Variants in RIPK1 observed in about 807,000 individuals in gnomAD.
The protein encoded by RIPK1 is receptor-interacting serine/threonine-protein kinase 1.
RIPK1 carries 27 observed loss-of-function variants against 62.4 expected under a neutral mutation model. The ratio of observed to expected loss-of-function variants is 0.43; its 90% confidence interval spans 0.32 to 0.60. The LOEUF (loss-of-function observed/expected upper bound fraction) is 0.60, where lower values mean the gene tolerates loss of function less well. Ranked by LOEUF, RIPK1 falls within the 20% of genes least tolerant of loss-of-function variation. The probability of loss-of-function intolerance (pLI) is 0.07; values close to 1 mark genes in which losing one functional copy is unlikely to be tolerated. For synonymous variants in RIPK1, 287 were observed against 303.2 expected (o/e 0.95, Z 0.55); for missense variants, 735 against 831.0 (o/e 0.88, Z 1.42).
rs150430824 is a variant in RIPK1, at chr6:3,108,566, G to A, written c.1577-2237G>A. ...AGTGTAAGCTGGAGGTGGTGGGCCA[G>A]GAGGATTAAACAGGGTAAGGCAGCT... On this transcript the variant is annotated intron_variant, in intron 9 of 10. Coordinates refer to ENST00000259808, the MANE Select transcript of RIPK1 (RefSeq NM_001354930.2). Among the ~76,000 whole-genome samples the A allele has an allele frequency of 3.6e-3, 550 of 152,314 alleles. 2 individuals carry two copies. Among genetic ancestry groups the A allele is most frequent in the Non-Finnish European group, 5.6e-3 (384 of 68,026 alleles).
rs1473081715 is a variant in RIPK1 at position 3,083,219 on chromosome 6, G to T, written c.594G>T (p.Leu198=). 6.2e-7 allele frequency: 1 copy of T among 1,613,922 alleles called. No individual in the cohort carries two copies. Among genetic ancestry groups the T allele is most frequent in the African/African-American group, 1.3e-5 (1 of 74,894 alleles). Residue 198 remains leucine, a synonymous_variant, in exon 5 of 11, where the codon CTG becomes CTT. Transcript: ENST00000259808. The part of the protein sequence containing the change: ...GTLYYMAPEH[L]NDVNAKPTEK... ...TCTACTACATGGCGCCCGAGCACCT[G>T]AATGACGTCAACGCAAAGCCCACAG...
intron 7 of RIPK1, among the ~76,000 whole-genome samples, chr6:3,096,001 G>A (rs999819411): frequency 6.6e-5 from 10 of 152,050 alleles, no homozygotes; most frequent in Non-Finnish European, 1.0e-4. Context: ...ACCATGCCTG[G>A]CTAATTTGTA....
intron 5 of RIPK1, among the ~76,000 whole-genome samples, chr6:3,083,983 T>TA (rs1759558407): frequency 6.6e-6 from 1 of 152,092 alleles, no homozygotes; most frequent in African/African-American, 2.4e-5. Flanking sequence ...TCGCCATCCT[T>TA]TTACCAAGTT....
rs1760816360 is a variant in RIPK1, at chr6:3,105,749, C to T, written c.1274C>T (p.Pro425Leu). 1 of 1,614,196 alleles carries T rather than the reference C, an allele frequency of 6.2e-7. No individual in the cohort carries two copies. The highest frequency in any genetic ancestry group is 8.5e-7 in the Non-Finnish European group (1 of 1,180,042). Residue 425 changes from proline (P) to leucine (L), a missense_variant, in exon 9 of 11, where the codon CCT becomes CTT. Pro to Leu is a moderately conservative substitution (Grantham distance 98). Coordinates refer to ENST00000259808, the MANE Select transcript of RIPK1 (RefSeq NM_001354930.2). The surrounding 1 kb of genome is among the most constrained non-coding windows in gnomAD (Gnocchi z 4.5). ...VSHDPFAQQR[P>L]YENFQNTEGK... is the part of the protein sequence containing the mutation. Reference sequence around the variant, plus strand: ...CATGACCCTTTTGCACAGCAAAGACCTTACGAGAATTTTCAGAATACAGAG... The same window carrying T: ...CATGACCCTTTTGCACAGCAAAGACTTTACGAGAATTTTCAGAATACAGAG...
chr6:3,067,740 CTTT>C (rs149016655), upstream of RIPK1, among the ~76,000 whole-genome samples: 96 of 147,286 alleles, frequency 6.5e-4, no homozygotes, highest in African/African-American at 1.3e-3. Context: ...TCCTGTTGTG[CTTT>C]TTTTTTTTTT....
chr6:3,083,172 G>T lies in RIPK1; in HGVS notation c.547G>T (p.Ala183Ser), dbSNP rs780223601. The T allele has an allele frequency of 6.2e-7, 1 of 1,614,046 alleles. No homozygotes were observed. The highest frequency in any genetic ancestry group is 8.5e-7 in the Non-Finnish European group (1 of 1,179,990). Residue 183 changes from alanine (A) to serine (S), a missense_variant, in exon 5 of 11, where the codon GCT (alanine) becomes TCT (serine). Ala to Ser is a moderately conservative substitution (Grantham distance 99). This residue lies in a region of RIPK1 where 671 missense variants were observed against 726.2 expected (regional missense o/e 0.92). Coordinates refer to ENST00000259808, the MANE Select transcript of RIPK1 (RefSeq NM_001354930.2). ...HNELREVDGTAKKNGGTLYYM... is the reference protein window; with the variant it reads ...HNELREVDGTSKKNGGTLYYM... ...TGAGCTGAGGGAAGTGGACGGCACC[G>T]CTAAGAAGAATGGCGGCACCCTCTA... is the stretch of plus-strand genomic sequence containing the variant.
intron 6 of RIPK1, among the ~76,000 whole-genome samples, chr6:3,087,627 C>T (rs1759778373): frequency 6.6e-6 from 1 of 151,668 alleles, no homozygotes; most frequent in Non-Finnish European, 1.5e-5. Context: ...GCAAGCTCTG[C>T]CTCCTGGGTT....
At chr6:3,095,045 G>A (rs1006524929) in intron 7 of RIPK1, among the ~76,000 whole-genome samples, 20 of 151,946 alleles carry the variant, frequency 1.3e-4, no homozygotes, top group African/African-American at 4.8e-4. Context: ...GCAACAGAGT[G>A]AGACCCTACT....
chr6:3,113,264 G>A lies in RIPK1; in HGVS notation c.1941G>A (p.Gly647=), dbSNP rs1453920391. The A allele has an allele frequency of 6.2e-7, 1 of 1,614,170 alleles. No individual in the cohort carries two copies. Among genetic ancestry groups the A allele is most frequent in the African/African-American group, 1.3e-5 (1 of 75,046 alleles). The stretch of plus-strand genomic sequence containing the variant: ...AAGGCATAAAGGGAGCCACGGTGGG[G>A]AAGCTGGCCCAGGCGCTCCACCAGT... ...MREGIKGATV[G]KLAQALHQCS... The change falls in exon 11 of 11, where the codon GGG becomes GGA. Residue 647 remains glycine, a synonymous_variant. Coordinates refer to ENST00000259808, the MANE Select transcript of RIPK1 (RefSeq NM_001354930.2). The surrounding 1 kb of genome is among the most constrained non-coding windows in gnomAD (Gnocchi z 5.0).
chr6:3,077,206 G>C (rs1759114575), intron 2 of RIPK1, among the ~76,000 whole-genome samples: 1 of 152,148 alleles, frequency 6.6e-6, no homozygotes, highest in South Asian at 2.1e-4. Context: ...TAACAGAAGA[G>C]ACATGAACAA....
chr6:3,068,723 C>G, intron 1 of RIPK1, 62 bp downstream of exon 1: 1 of 960,748 alleles, frequency 1.0e-6, no homozygotes, highest in Non-Finnish European at 1.2e-6. Context: ...TCCCGGTGAC[C>G]CCCCTGGTCG....
intron 7 of RIPK1, among the ~76,000 whole-genome samples, chr6:3,090,883 A>AGAGT (rs1760042104): frequency 1.4e-5 from 1 of 72,264 alleles, no homozygotes; most frequent in Non-Finnish European, 2.2e-5. Context: ...TAGTAACCGC[A>AGAGT]GCGCGCCTAC....
intron 10 of RIPK1, among the ~76,000 whole-genome samples, chr6:3,112,766 C>T (rs1376132994): frequency 6.6e-6 from 1 of 152,106 alleles, no homozygotes; most frequent in Non-Finnish European, 1.5e-5. Context: ...CTAGAACTCC[C>T]GGGTTCAAGT....
chr6:3,064,347 C>T (rs1361005321), upstream of RIPK1, among the ~76,000 whole-genome samples: 1 of 152,248 alleles, frequency 6.6e-6, no homozygotes, highest in Non-Finnish European at 1.5e-5. Flanking sequence ...CTCCTCCCCA[C>T]CTGCCGGCCC....
chr6:3,075,055 A>G (rs977280586), intron 1 of RIPK1, among the ~76,000 whole-genome samples: 4 of 152,218 alleles, frequency 2.6e-5, no homozygotes, highest in Admixed American at 2.0e-4. Flanking sequence ...AGACACGCAC[A>G]TTCACATGCA....
At chr6:3,087,305 A>G (rs1458845574) in intron 6 of RIPK1, among the ~76,000 whole-genome samples, 1 of 152,068 alleles carries the variant, frequency 6.6e-6, no homozygotes, top group African/African-American at 2.4e-5. Context: ...TATTTCTGTA[A>G]GTACTTTTTA....
chr6:3,086,739 G>A (rs991462469), intron 6 of RIPK1, among the ~76,000 whole-genome samples: 21 of 152,166 alleles, frequency 1.4e-4, no homozygotes, highest in Admixed American at 6.5e-4. Flanking sequence ...AAGCCTCACC[G>A]TTTAAGGTGA....
intron 6 of RIPK1, 143 bp downstream of exon 6, chr6:3,085,551 A>G (rs1759643478): frequency 1.2e-6 from 1 of 865,580 alleles, no homozygotes; most frequent in South Asian, 1.8e-5. Flanking sequence ...TAGATTTCAA[A>G]CATGTTATTC....
At chr6:3,070,055 A>G (rs545388335) in intron 1 of RIPK1, among the ~76,000 whole-genome samples, 6 of 152,324 alleles carry the variant, frequency 3.9e-5, no homozygotes, top group African/African-American at 7.2e-5. Context: ...CAGCTCTTCT[A>G]TTCACAAAAA....
Sources: allele counts gnomAD v4.1 joint callset (sites outside exome capture counted in the v4.1 genomes callset), GRCh38; gene constraint gnomAD v4.1.1; regional missense constraint gnomAD v4.1.1; non-coding constraint Gnocchi (gnomAD v3.1); transcripts MANE v1.5; gene names NCBI Gene and HGNC (gene_info 2026-07-23, HGNC 2026-07-21).